The following EPS8L1 variants were observed in gnomAD, a reference collection of about 807,000 sequenced individuals.
The protein encoded by EPS8L1 is EPS8 signaling adaptor L1, also known as epidermal growth factor receptor kinase substrate 8-like protein 1.
EPS8L1 carries 101 observed loss-of-function variants against 91.7 expected under a neutral mutation model. That is an observed-to-expected ratio of 1.10 (90% CI 0.94 to 1.30). The LOEUF (loss-of-function observed/expected upper bound fraction) is 1.30. Among genes scored for constraint, EPS8L1 ranks in the 50% most tolerant of loss-of-function variants. EPS8L1 has a pLI of 0.00. For synonymous variants in EPS8L1, 506 were observed against 445.3 expected (o/e 1.14, Z -1.72); for missense variants, 1,114 against 1,017.0 (o/e 1.10, Z -1.30).
At position 55,081,455 on chromosome 19, in the gene EPS8L1, G is replaced by C. The variant is rs767975529; in HGVS notation, c.737G>C (p.Gly246Ala). The change falls in exon 8 of 20, where the codon GGT becomes GCT. Residue 246 changes from glycine (G) to alanine (A), a missense_variant. Transcript: ENST00000201647. This position sits in a 1 kb window ranked among gnomAD's most constrained non-coding sequence, Gnocchi z 4.9. The part of the protein sequence containing the change: ...DSASPDLGPR[G>A]PDLAVLQAER... ...GCCTCCCCGGACCTGGGTCCCCGGGGTCCTGACCTGGCGGTTCTGCAGGCG... is the reference window on the plus strand; with the variant it reads ...GCCTCCCCGGACCTGGGTCCCCGGGCTCCTGACCTGGCGGTTCTGCAGGCG... The C allele has an allele frequency of 3.8e-6, 6 of 1,599,646 alleles. No homozygotes were observed. In the African/African-American group the frequency reaches 6.7e-5, roughly 18 times the overall value.
Position 55,081,844 on chromosome 19 carries a change from C to T in EPS8L1, c.846C>T (p.Ala282=), listed in dbSNP as rs1424101172. 10 of 1,612,236 alleles carry T rather than the reference C, an allele frequency of 6.2e-6. No homozygotes were observed. Among genetic ancestry groups the T allele is most frequent in the Non-Finnish European group, 8.5e-6 (10 of 1,179,144 alleles). Residue 282 remains alanine (A), a synonymous_variant, in exon 9 of 20, where the codon GCC becomes GCT. Coordinates refer to ENST00000201647, the MANE Select transcript of EPS8L1 (RefSeq NM_133180.3). This position sits in a 1 kb window ranked among gnomAD's most constrained non-coding sequence, Gnocchi z 4.9. ...GGCTGCAGAAGTCGGCGGAGGCGGC[C>T]AGGGTGCTGGAGCACCGGGAACGCG... ...VSRLQKSAEA[A]RVLEHRERGR... is the part of the protein sequence containing the mutation.
chr19:55,086,636 C>CCCCCCCCCCCCCCCCCCCAGG (rs2076355293), intron 17 of EPS8L1, 78 bp from the exon 18 acceptor site: 20 of 956,864 alleles, frequency 2.1e-5, no homozygotes, highest in Non-Finnish European at 2.7e-5. Flanking sequence ...CGCTGGAGCG[C>CCCCCCCCCCCCCCCCCCCAGG]CCCCCCGCCC....
chr19:55,076,818 G>A (rs925322947), intron 2 of EPS8L1, among the ~76,000 whole-genome samples: 3 of 152,230 alleles, frequency 2.0e-5, no homozygotes, highest in Non-Finnish European at 4.4e-5. Flanking sequence ...CCACCTCACT[G>A]ACAGCAGGTG....
intron 16 of EPS8L1, 79 bp downstream of exon 16, chr19:55,086,271 G>C: frequency 1.2e-6 from 2 of 1,610,700 alleles, no homozygotes; most frequent in Non-Finnish European, 1.7e-6. Context: ...GTGGGGATCA[G>C]CTGTCAAGAG....
At position 55,087,774 on chromosome 19, in the gene EPS8L1, AGTCCCTCCG is replaced by A. The variant is rs1374951805; in HGVS notation, c.*162_*170del. On this transcript the variant is annotated 3_prime_UTR_variant, in exon 20 of 20. Coordinates refer to ENST00000201647, the MANE Select transcript of EPS8L1 (RefSeq NM_133180.3). The stretch of plus-strand genomic sequence containing the variant: ...GGACAGACTTAACGATCCTTGCTGC[AGTCCCTCCG>A]GAGAGGATCTGGACTGGCTGGGAGT... 4 of 753,696 alleles carry A rather than the reference AGTCCCTCCG, an allele frequency of 5.3e-6. No individual in the cohort carries two copies. The highest frequency in any genetic ancestry group is 8.9e-6 in the Non-Finnish European group (4 of 447,962). The allele number at this position is 753,696 out of a possible 1,614,324, so 46.7% of individuals were successfully genotyped here. A position where few individuals can be genotyped will look rare whatever the true frequency, so the allele number is the denominator to read the frequency against.
rs985058540 is a variant in EPS8L1, at chr19:55,083,690, C to T, written c.1385+46C>T. 6.4e-7 allele frequency: 1 copy of T among 1,574,432 alleles called. No homozygotes were observed. Among genetic ancestry groups the T allele is most frequent in the Middle Eastern group, 1.7e-4 (1 of 6,012 alleles). On this transcript the variant is annotated intron_variant, in intron 14 of 19. Coordinates refer to ENST00000201647, the MANE Select transcript of EPS8L1 (RefSeq NM_133180.3). The surrounding 1 kb of genome is among the most constrained non-coding windows in gnomAD (Gnocchi z 4.7). Reference sequence around the variant, plus strand: ...AGGGCAAGGGGGTCAAGGAGGGGTGCGTCCCGGGGGCTCCCGATGCTGACT... The same window carrying T: ...AGGGCAAGGGGGTCAAGGAGGGGTGTGTCCCGGGGGCTCCCGATGCTGACT...
At chr19:55,075,979 C>CG in intron 1 of EPS8L1, 60 bp downstream of exon 1, 1 of 160,100 alleles carries the variant, frequency 6.2e-6, no homozygotes, top group Non-Finnish European at 1.4e-5. Context: ...GTCTGAGGGA[C>CG]GGGGGGACTG....
At chr19:55,087,180 G>A (rs2076361782) in intron 18 of EPS8L1, 123 bp from the exon 19 acceptor site, 10 of 1,408,674 alleles carry the variant, frequency 7.1e-6, no homozygotes, top group Non-Finnish European at 9.4e-6. Context: ...GAGGTGTCGG[G>A]CCTGCCCCCG....
intron 5 of EPS8L1, 78 bp from the exon 6 acceptor site, chr19:55,080,051 G>A: frequency 2.8e-6 from 4 of 1,453,958 alleles, no homozygotes; most frequent in Non-Finnish European, 3.6e-6. Context: ...GCCCTGACCT[G>A]CTGGCCCACA....
intron 6 of EPS8L1, chr19:55,080,567 G>C (rs1190611915): frequency 2.5e-6 from 4 of 1,608,876 alleles, no homozygotes; most frequent in African/African-American, 1.3e-5. Flanking sequence ...CACCCGGACT[G>C]GGTCTCCATG....
rs1380789857 is a variant in EPS8L1, at chr19:55,078,074, C to G, written c.18-14C>G. The G allele has an allele frequency of 1.9e-6, 3 of 1,613,638 alleles. No individual in the cohort carries two copies. The South Asian group carries it at 3.3e-5, about 18-fold the overall frequency. ...CAGTCCCACAGTCTCTCTCATTCCT[C>G]TTTTCTTCACCAGCCCAGAAGCTGC... On this transcript the variant is annotated splice_polypyrimidine_tract_variant and intron_variant, in intron 2 of 19. Coordinates refer to ENST00000201647, the MANE Select transcript of EPS8L1 (RefSeq NM_133180.3).
rs762593921 is a variant in EPS8L1 at position 55,083,691 on chromosome 19, G to A, written c.1385+47G>A. On this transcript the variant is annotated intron_variant, in intron 14 of 19. Transcript: ENST00000201647. This position sits in a 1 kb window ranked among gnomAD's most constrained non-coding sequence, Gnocchi z 4.7. ...GGGCAAGGGGGTCAAGGAGGGGTGC[G>A]TCCCGGGGGCTCCCGATGCTGACTC... 67 of 1,573,746 alleles carry A rather than the reference G, an allele frequency of 4.3e-5. No individual in the cohort carries two copies. The highest frequency in any genetic ancestry group is 5.2e-5 in the Non-Finnish European group (60 of 1,159,514).
In EPS8L1 at chr19:55,081,541, C is replaced by CGG. The variant is rs764582998; in HGVS notation, c.774+52_774+53dup. 8 of 1,453,874 alleles carry CGG rather than the reference C, an allele frequency of 5.5e-6. No individual in the cohort carries two copies. In the African/African-American group the frequency reaches 8.9e-5, roughly 16 times the overall value. 90.1% of individuals were successfully genotyped at this position (1,453,874 alleles called of 1,614,324 possible). ...GGGGGCAGGGCCAGGCGACTGGAGG[C>CGG]GGGGCTAGGGCGTGGAAGGGCGGGG... On this transcript the variant is annotated intron_variant, in intron 8 of 19. Transcript: ENST00000201647. This position sits in a 1 kb window ranked among gnomAD's most constrained non-coding sequence, Gnocchi z 4.9.
At chr19:55,084,110 C>A in intron 14 of EPS8L1, 1 of 258,440 alleles carries the variant, frequency 3.9e-6, no homozygotes, top group South Asian at 4.9e-5. Flanking sequence ...TCCTGGAGAC[C>A]CAGAGGAGCA....
chr19:55,087,300 C>T lies in EPS8L1; in HGVS notation c.1953-3C>T. On this transcript the variant is annotated splice_region_variant and splice_polypyrimidine_tract_variant and intron_variant, in intron 18 of 19. Transcript: ENST00000201647. Reference sequence around the variant, plus strand: ...TGACCGCGCCCGGGCTGCCCTCGCTCAGGACCGTGGACGCGCTGGGTGTGC... The same window carrying T: ...TGACCGCGCCCGGGCTGCCCTCGCTTAGGACCGTGGACGCGCTGGGTGTGC... 2 of 1,601,958 alleles carry T rather than the reference C, an allele frequency of 1.2e-6. No individual in the cohort carries two copies. Among genetic ancestry groups the T allele is most frequent in the South Asian group, 1.1e-5 (1 of 89,748 alleles).
rs150360157 is a variant in EPS8L1, at chr19:55,082,553, C to T, written c.1165C>T (p.Arg389Cys). Reference protein sequence around the residue: ...VALLRDNVTPRENELWTSLGD... With the variant: ...VALLRDNVTPCENELWTSLGD... Reference sequence around the variant, plus strand: ...GCTGCTGCGGGACAACGTCACTCCACGTGAAAACGAGCTCTGGACCTCGCT... The same window carrying T: ...GCTGCTGCGGGACAACGTCACTCCATGTGAAAACGAGCTCTGGACCTCGCT... The change falls in exon 12 of 20, where the codon CGT (arginine) becomes TGT (cysteine). Residue 389 changes from arginine to cysteine, a missense_variant. By Grantham distance (180) the Arg-to-Cys change is radical. Transcript: ENST00000201647. 10 of 1,601,898 alleles carry T rather than the reference C, an allele frequency of 6.2e-6. No individual in the cohort carries two copies. Among genetic ancestry groups the T allele is most frequent in the South Asian group, 2.2e-5 (2 of 89,568 alleles).
In EPS8L1 at chr19:55,084,811, G is replaced by C. The variant is rs73932296; in HGVS notation, c.1386-1030G>C. Among the ~76,000 whole-genome samples the C allele has an allele frequency of 3.7e-3, 568 of 152,302 alleles. 9 individuals carry two copies. Among genetic ancestry groups the C allele is most frequent in the African/African-American group, 0.013 (529 of 41,554 alleles). On this transcript the variant is annotated intron_variant, in intron 14 of 19. Transcript: ENST00000201647. ...GGGAAACTGGGAATAATGATTATCC[G>C]TTCCCGGAACAGTGAGAAGTCTGTG...
rs1186628488 is a variant in EPS8L1, at chr19:55,080,854, G to A, written c.512G>A (p.Arg171Lys). 1.9e-6 allele frequency: 3 copies of A among 1,605,356 alleles called. No individual in the cohort carries two copies. The highest frequency in any genetic ancestry group is 1.1e-5 in the South Asian group (1 of 90,086). The change falls in exon 7 of 20, where the codon AGG (arginine) becomes AAG (lysine). Residue 171 changes from arginine to lysine, a missense_variant and splice_region_variant. By Grantham distance (26) the Arg-to-Lys change is conservative (BLOSUM62 2). Coordinates refer to ENST00000201647, the MANE Select transcript of EPS8L1 (RefSeq NM_133180.3). ...GRGERRAAALRATQEELQRDR... is the reference protein window; with the variant it reads ...GRGERRAAALKATQEELQRDR... ...GGGGAGCGCAGGGCGGCGGCGCTCAGGTGAGAGGGAAGAAGTTGGCAGGGT... is the reference window on the plus strand; with the variant it reads ...GGGGAGCGCAGGGCGGCGGCGCTCAAGTGAGAGGGAAGAAGTTGGCAGGGT...
At chr19:55,086,323 CAGAAAGG>C in intron 16 of EPS8L1, 62 bp from the exon 17 acceptor site, 1 of 1,607,220 alleles carries the variant, frequency 6.2e-7, no homozygotes, top group South Asian at 1.1e-5. Flanking sequence ...AATGCATCTC[CAGAAAGG>C]GGAGAGGCTG....
Sources: allele counts gnomAD v4.1 joint callset (sites outside exome capture counted in the v4.1 genomes callset), GRCh38; gene constraint gnomAD v4.1.1; non-coding constraint Gnocchi (gnomAD v3.1); transcripts MANE v1.5; gene names NCBI Gene and HGNC (gene_info 2026-07-23, HGNC 2026-07-21).